The following TLE1 variants were observed in gnomAD, a reference collection of about 807,000 sequenced individuals.
The protein encoded by TLE1 is TLE family member 1, transcriptional corepressor.
Under a neutral mutation model 89.8 loss-of-function variants are expected in TLE1, and 21 were observed. That is an observed-to-expected ratio of 0.23 (90% CI 0.17 to 0.34). TLE1 has a LOEUF of 0.34. Among genes scored for constraint, TLE1 ranks in the 10% least tolerant of loss-of-function variants. The probability of loss-of-function intolerance (pLI) is 1.00; values close to 1 mark genes in which losing one functional copy is unlikely to be tolerated. For synonymous variants in TLE1, 447 were observed against 407.6 expected, an observed-to-expected ratio of 1.10 and a Z score of -1.16; for missense variants, 795 against 1,031.2, an observed-to-expected ratio of 0.77 and a Z score of 3.14.
intron 5 of TLE1, among the ~76,000 whole-genome samples, chr9:81,653,586 C>CTTATG (rs1829815021): frequency 6.6e-6 from 1 of 152,172 alleles, no homozygotes; most frequent in Non-Finnish European, 1.5e-5. Flanking sequence ...TACAAAAGAA[C>CTTATG]TATCTGCCTC....
chr9:81,652,531 A>C (rs1829687338), intron 5 of TLE1, among the ~76,000 whole-genome samples: 1 of 152,174 alleles, frequency 6.6e-6, no homozygotes, highest in African/African-American at 2.4e-5. Flanking sequence ...TCGGCTTGGA[A>C]TGGTAGAAAA....
chr9:81,587,860 T>C (rs1828748401), intron 16 of TLE1, 32 bp from the exon 17 acceptor site: 2 of 1,601,806 alleles, frequency 1.2e-6, no homozygotes, highest in East Asian at 2.2e-5. Flanking sequence ...AATAATGATT[T>C]CCTGCCAGAG....
chr9:81,679,522 CCT>C (rs1184322469), intron 4 of TLE1, among the ~76,000 whole-genome samples: 1 of 151,928 alleles, frequency 6.6e-6, no homozygotes, highest in Non-Finnish European at 1.5e-5. Context: ...AATCAGAAAA[CCT>C]CTCTCCTCCT....
intron 8 of TLE1, among the ~76,000 whole-genome samples, chr9:81,623,806 G>GA (rs1825586078): frequency 1.3e-5 from 2 of 151,558 alleles, no homozygotes; most frequent in African/African-American, 4.9e-5. Flanking sequence ...ATAATAAAAT[G>GA]AAAAATAAAA....
intron 4 of TLE1, among the ~76,000 whole-genome samples, chr9:81,656,651 C>T (rs556677325): frequency 2.6e-5 from 4 of 152,124 alleles, no homozygotes; most frequent in Non-Finnish European, 4.4e-5. Context: ...AAGGGGTTTC[C>T]GTTACATACC....
chr9:81,639,943 A>G (rs1410894760), intron 6 of TLE1, among the ~76,000 whole-genome samples: 3 of 152,150 alleles, frequency 2.0e-5, no homozygotes, highest in Non-Finnish European at 4.4e-5. Flanking sequence ...CTGGTTTCTC[A>G]GGCTATGATT....
intron 8 of TLE1, among the ~76,000 whole-genome samples, chr9:81,623,621 A>G (rs1184443165): frequency 7.4e-6 from 1 of 134,240 alleles, no homozygotes; most frequent in Admixed American, 7.4e-5. Flanking sequence ...TGTACTTAAA[A>G]AAAAAAAAAA....
chr9:81,604,666 C>G (rs1288686649), intron 14 of TLE1, among the ~76,000 whole-genome samples: 1 of 152,194 alleles, frequency 6.6e-6, no homozygotes, highest in African/African-American at 2.4e-5. Context: ...GCTATCTTAG[C>G]AGACTTGAAC....
At chr9:81,585,461 T>C (rs1311835579) in intron 18 of TLE1, 44 bp downstream of exon 18, 1 of 1,591,734 alleles carries the variant, frequency 6.3e-7, no homozygotes. Flanking sequence ...GCATTTTCCA[T>C]TTGGGCCATC....
At chr9:81,615,957 G>C in intron 11 of TLE1, 25 bp downstream of exon 11, 1 of 1,612,304 alleles carries the variant, frequency 6.2e-7, no homozygotes, top group South Asian at 1.1e-5. Flanking sequence ...TGCCAAACAG[G>C]CAAGTGTCAG....
At chr9:81,667,179 G>A (rs922621786) in intron 4 of TLE1, among the ~76,000 whole-genome samples, 2 of 151,824 alleles carry the variant, frequency 1.3e-5, no homozygotes, top group East Asian at 3.9e-4. Context: ...TCGGGAGGCC[G>A]AGGCAGGTGG....
rs945861392 is a variant in TLE1, at chr9:81,654,630, T to C, written c.235-594A>G. Among the ~76,000 whole-genome samples the C allele has an allele frequency of 5.1e-4, 77 of 152,260 alleles. 1 individual carries two copies. The highest frequency in any genetic ancestry group is 1.8e-3 in the African/African-American group (76 of 41,562). On this transcript the variant is annotated intron_variant, in intron 4 of 19. Transcript: ENST00000376499. ...TGCTGGGATTACAGGCGTGAGCCAC[T>C]GCACCCAGCCAAGTGTACTTTTTCA...
Position 81,636,331 on chromosome 9 carries a change from A to C in TLE1, c.373-2030T>G, listed in dbSNP as rs537190176. On this transcript the variant is annotated intron_variant, in intron 6 of 19. Coordinates refer to ENST00000376499, the MANE Select transcript of TLE1 (RefSeq NM_005077.5). ...CCACTAGGCATGCTCATTAGCACTT[A>C]ATTAGGAACTAGACACCTGCCATAA... 6.6e-5 allele frequency among the ~76,000 whole-genome samples: 10 copies of C among 151,824 alleles called. No individual in the cohort carries two copies. The South Asian group carries it at 1.9e-3, about 28-fold the overall frequency.
At chr9:81,609,359 A>G (rs1823412594) in intron 14 of TLE1, among the ~76,000 whole-genome samples, 1 of 152,222 alleles carries the variant, frequency 6.6e-6, no homozygotes, top group Admixed American at 6.5e-5. Context: ...TGCTAGGATT[A>G]TAGGCGTGAG....
intron 15 of TLE1, 49 bp downstream of exon 15, chr9:81,592,976 G>A: frequency 6.3e-7 from 1 of 1,582,492 alleles, no homozygotes; most frequent in Middle Eastern, 1.7e-4. Context: ...TTTCCTTATT[G>A]AATCTCCAGG....
intron 4 of TLE1, among the ~76,000 whole-genome samples, chr9:81,679,112 T>A (rs1348443862): frequency 1.3e-5 from 2 of 152,180 alleles, no homozygotes; most frequent in African/African-American, 4.8e-5. Context: ...TGCGCTACTA[T>A]ACTCCAGTCT....
chr9:81,626,216 G>T (rs1409730588), intron 8 of TLE1, among the ~76,000 whole-genome samples: 1 of 152,066 alleles, frequency 6.6e-6, no homozygotes, highest in Non-Finnish European at 1.5e-5. Flanking sequence ...TGTGTCAGAG[G>T]TACAGATTGG....
At chr9:81,669,617 C>A (rs1017199310) in intron 4 of TLE1, among the ~76,000 whole-genome samples, 1 of 152,142 alleles carries the variant, frequency 6.6e-6, no homozygotes, top group Non-Finnish European at 1.5e-5. Context: ...CACCCTCCCC[C>A]CCCACACCAA....
At chr9:81,679,811 A>T (rs1314253519) in intron 4 of TLE1, among the ~76,000 whole-genome samples, 4 of 152,318 alleles carry the variant, frequency 2.6e-5, no homozygotes, top group South Asian at 4.1e-4. Flanking sequence ...GCTTTGAGGA[A>T]AGCCAGTAAG....
Sources: allele counts gnomAD v4.1 joint callset (sites outside exome capture counted in the v4.1 genomes callset), GRCh38; gene constraint gnomAD v4.1.1; transcripts MANE v1.5; gene names NCBI Gene and HGNC (gene_info 2026-07-23, HGNC 2026-07-21).